Variants in PLPP4 observed in about 807,000 individuals in gnomAD.
PLPP4 encodes the protein phospholipid phosphatase 4, also known as diacylglycerol pyrophosphate like 2.
PLPP4 carries 20 observed loss-of-function variants against 32.2 expected under a neutral mutation model. The ratio of observed to expected loss-of-function variants is 0.62; its 90% CI spans 0.44 to 0.90. The LOEUF is 0.90. Ranked by LOEUF, PLPP4 falls within the 40% of genes least tolerant of loss-of-function variation. The pLI is 0.00. For missense variants in PLPP4, 257 were observed against 353.1 expected, an observed-to-expected ratio of 0.73 and a Z score of 2.18; for synonymous variants, 127 against 133.0, an observed-to-expected ratio of 0.95 and a Z score of 0.31.
chr10:120,489,792 C>T (rs1844629708), intron 1 of PLPP4, among the ~76,000 whole-genome samples: 1 of 152,130 alleles, frequency 6.6e-6, no homozygotes, highest in African/African-American at 2.4e-5. Flanking sequence ...ATGCAGCAGG[C>T]TGCAATTAGT....
At chr10:120,552,984 A>C (rs754522675) in intron 5 of PLPP4, among the ~76,000 whole-genome samples, 2 of 152,226 alleles carry the variant, frequency 1.3e-5, no homozygotes, top group Non-Finnish European at 2.9e-5. Context: ...TGGACATTAG[A>C]GTTCTCAACA....
chr10:120,547,483 A>G (rs556564845), intron 5 of PLPP4, among the ~76,000 whole-genome samples: 3 of 152,166 alleles, frequency 2.0e-5, no homozygotes, highest in Non-Finnish European at 2.9e-5. Flanking sequence ...TAGGAGAATG[A>G]TTGATTATTA....
chr10:120,511,026 G>A (rs1397952110), intron 2 of PLPP4, among the ~76,000 whole-genome samples: 1 of 152,204 alleles, frequency 6.6e-6, no homozygotes, highest in Non-Finnish European at 1.5e-5. Context: ...TTGATATGGG[G>A]AGCCTTGGGC....
At chr10:120,457,404 G>T (rs988948649) in intron 1 of PLPP4, 43 bp downstream of exon 1, 1 of 1,509,238 alleles carries the variant, frequency 6.6e-7, no homozygotes, top group African/African-American at 1.4e-5. Context: ...TGACGCGGGG[G>T]AACAACCGAC....
intron 6 of PLPP4, among the ~76,000 whole-genome samples, chr10:120,583,940 G>T (rs1325139334): frequency 6.6e-6 from 1 of 152,166 alleles, no homozygotes; most frequent in East Asian, 1.9e-4. Context: ...GAGAGAGCAG[G>T]TCCCCTGGTC....
intron 1 of PLPP4, among the ~76,000 whole-genome samples, chr10:120,489,973 C>T (rs2478425): frequency 0.22 from 33,764 of 152,094 alleles, 4,115 homozygotes; most frequent in African/African-American, 0.32. Flanking sequence ...ACAGCTCAGA[C>T]CACAAGCAGA....
intron 1 of PLPP4, 56 bp from the exon 2 acceptor site, chr10:120,503,762 A>G: frequency 6.3e-7 from 1 of 1,592,174 alleles, no homozygotes; most frequent in East Asian, 2.2e-5. Context: ...CTCCTTGGGA[A>G]CTTCCCACAG....
intron 2 of PLPP4, among the ~76,000 whole-genome samples, chr10:120,509,875 A>G (rs1393254087): frequency 6.6e-6 from 1 of 152,158 alleles, no homozygotes; most frequent in African/African-American, 2.4e-5. Flanking sequence ...ACTTGGAAAA[A>G]AAGCATGCAC....
chr10:120,572,265 A>G (rs1179901914), intron 5 of PLPP4, among the ~76,000 whole-genome samples: 2 of 152,220 alleles, frequency 1.3e-5, no homozygotes, highest in African/African-American at 2.4e-5. Context: ...TGAGACAGAG[A>G]AATCAGGCGG....
chr10:120,568,632 A>G (rs1369939067), intron 5 of PLPP4, among the ~76,000 whole-genome samples: 1 of 152,214 alleles, frequency 6.6e-6, no homozygotes, highest in Non-Finnish European at 1.5e-5. Flanking sequence ...TATCATCTTT[A>G]TTTCAAACCT....
At chr10:120,531,814 C>CATAT (rs201385422) in intron 5 of PLPP4, among the ~76,000 whole-genome samples, 1 of 150,782 alleles carries the variant, frequency 6.6e-6, no homozygotes, top group Non-Finnish European at 1.5e-5. Flanking sequence ...AACCACAGTA[C>CATAT]ATATATATAT....
intron 1 of PLPP4, among the ~76,000 whole-genome samples, chr10:120,494,591 G>C (rs1454826478): frequency 6.6e-6 from 1 of 152,184 alleles, no homozygotes; most frequent in Non-Finnish European, 1.5e-5. Flanking sequence ...TCCCCAAGAG[G>C]GGGTGGTAAT....
intron 1 of PLPP4, among the ~76,000 whole-genome samples, chr10:120,500,738 A>G (rs955560911): frequency 1.3e-5 from 2 of 152,174 alleles, no homozygotes; most frequent in African/African-American, 4.8e-5. Context: ...ACAGTTGGTT[A>G]GCAATGCTAG....
intron 5 of PLPP4, among the ~76,000 whole-genome samples, chr10:120,543,505 A>G (rs889502897): frequency 6.6e-6 from 1 of 152,208 alleles, no homozygotes; most frequent in East Asian, 1.9e-4. Context: ...AATTAAAAAA[A>G]AAACACACTC....
intron 1 of PLPP4, among the ~76,000 whole-genome samples, chr10:120,470,541 T>C (rs1008206258): frequency 6.6e-6 from 1 of 152,212 alleles, no homozygotes; most frequent in Non-Finnish European, 1.5e-5. Flanking sequence ...TTATCGAGTA[T>C]TTTACACTTT....
rs1564851497 is a variant in PLPP4, at chr10:120,575,391, C to T, written c.616+90C>T. On this transcript the variant is annotated intron_variant, in intron 6 of 6. Coordinates refer to ENST00000398250, the MANE Select transcript of PLPP4 (RefSeq NM_001030059.3). ...GTAGAAATGCACCAATTGTGGGGAG[C>T]TAAGTGCCCATTGTCCAAAACCAGA... 35 of 1,379,062 alleles carry T rather than the reference C, an allele frequency of 2.5e-5. 1 individual carries two copies. In the South Asian group the frequency reaches 4.5e-4, roughly 18 times the overall value. 85.4% of individuals were successfully genotyped at this position (1,379,062 alleles called of 1,614,324 possible).
intron 5 of PLPP4, among the ~76,000 whole-genome samples, chr10:120,531,873 TAC>T (rs145252286): frequency 0.061 from 9,022 of 148,172 alleles, 399 homozygotes; most frequent in Middle Eastern, 0.15. Flanking sequence ...CTACACACAC[TAC>T]ACACACACAC....
At chr10:120,490,336 A>G (rs995514360) in intron 1 of PLPP4, among the ~76,000 whole-genome samples, 1 of 152,250 alleles carries the variant, frequency 6.6e-6, no homozygotes, top group African/African-American at 2.4e-5. Context: ...ACAGGTGGCC[A>G]TGAAAACATT....
intron 1 of PLPP4, among the ~76,000 whole-genome samples, chr10:120,492,693 G>T (rs1002921670): frequency 6.6e-6 from 1 of 152,168 alleles, no homozygotes; most frequent in Admixed American, 6.5e-5. Context: ...CACAGCTCTG[G>T]CTGCCAGCCC....
Sources: allele counts gnomAD v4.1 joint callset (sites outside exome capture counted in the v4.1 genomes callset), GRCh38; gene constraint gnomAD v4.1.1; transcripts MANE v1.5; gene names NCBI Gene and HGNC (gene_info 2026-07-23, HGNC 2026-07-21).